The following PGM2L1 variants were observed in gnomAD, a reference collection of about 807,000 sequenced individuals.
PGM2L1 encodes phosphoglucomutase 2 like 1, also known as glucose 1,6-bisphosphate synthase.
PGM2L1 carries 35 observed loss-of-function variants against 73.4 expected under a neutral mutation model. That is an observed-to-expected ratio of 0.48 (90% CI 0.36 to 0.63). PGM2L1 has a LOEUF of 0.63. Ranked by LOEUF, PGM2L1 falls within the 30% of genes least tolerant of loss-of-function variation. PGM2L1 has a pLI of 0.00. For synonymous variants in PGM2L1, 225 were observed against 253.8 expected, an observed-to-expected ratio of 0.89 and a Z score of 1.08; for missense variants, 570 against 742.0, an observed-to-expected ratio of 0.77 and a Z score of 2.69.
At chr11:74,376,457 A>G (rs1049551389) in intron 1 of PGM2L1, among the ~76,000 whole-genome samples, 14 of 151,002 alleles carry the variant, frequency 9.3e-5, no homozygotes, top group African/African-American at 2.4e-4. Flanking sequence ...GTGTGTGTGT[A>G]TATATATATA....
At chr11:74,355,853 AT>A in intron 5 of PGM2L1, 1 of 428,604 alleles carries the variant, frequency 2.3e-6, no homozygotes, top group Non-Finnish European at 4.7e-6. Flanking sequence ...GACAAGACAT[AT>A]TTTAGACAAA....
intron 5 of PGM2L1, among the ~76,000 whole-genome samples, chr11:74,367,420 G>T (rs1862677784): frequency 6.6e-6 from 1 of 152,100 alleles, no homozygotes; most frequent in Admixed American, 6.5e-5. Flanking sequence ...AGACAACAAT[G>T]GTTTAGAATG....
At chr11:74,383,728 G>A (rs1461040136) in intron 1 of PGM2L1, among the ~76,000 whole-genome samples, 3 of 151,130 alleles carry the variant, frequency 2.0e-5, no homozygotes, top group African/African-American at 7.3e-5. Flanking sequence ...TTAGTTTGCT[G>A]AGGATAATGG....
At chr11:74,389,488 C>T (rs1022000042) in intron 1 of PGM2L1, among the ~76,000 whole-genome samples, 5 of 151,698 alleles carry the variant, frequency 3.3e-5, no homozygotes, top group African/African-American at 4.8e-5. Flanking sequence ...CTCGCTCTGT[C>T]ACCCAGGCTG....
chr11:74,349,963 A>G (rs1047284467), intron 6 of PGM2L1, among the ~76,000 whole-genome samples: 1 of 152,188 alleles, frequency 6.6e-6, no homozygotes, highest in Non-Finnish European at 1.5e-5. Context: ...AGAAATACAT[A>G]GTCAATAACT....
chr11:74,366,275 T>C (rs1862656265), intron 5 of PGM2L1, among the ~76,000 whole-genome samples: 1 of 150,952 alleles, frequency 6.6e-6, no homozygotes, highest in South Asian at 2.1e-4. Flanking sequence ...GATGAGTTAA[T>C]GGGTGCAGCA....
At chr11:74,362,196 T>C (rs957676628) in intron 5 of PGM2L1, among the ~76,000 whole-genome samples, 1 of 152,196 alleles carries the variant, frequency 6.6e-6, no homozygotes, top group East Asian at 1.9e-4. Context: ...TAACAGCTGA[T>C]CTCTTGGCAG....
rs60883108 is a variant in PGM2L1 at position 74,395,549 on chromosome 11, C to CTTTTTTTTTTTT, written c.111+2490_111+2501dup. Among the ~76,000 whole-genome samples, 127 of 64,946 alleles carry CTTTTTTTTTTTT rather than the reference C, an allele frequency of 2.0e-3. 7 individuals are homozygous for CTTTTTTTTTTTT. The highest frequency in any genetic ancestry group is 6.1e-3 in the East Asian group (9 of 1,476). 42.6% of individuals were successfully genotyped at this position (64,946 alleles called of 152,430 possible). A position where few individuals can be genotyped will look rare whatever the true frequency, so the allele number is the denominator to read the frequency against. On this transcript the variant is annotated intron_variant, in intron 1 of 13. Coordinates refer to ENST00000298198, the MANE Select transcript of PGM2L1 (RefSeq NM_173582.6). ...TACAGGCACGTGACACCTCGCCTGG[C>CTTTTTTTTTTTT]TTTTTTTTTTTTTTTTTTTTTTTTT...
chr11:74,373,252 A>G (rs1288410221), intron 2 of PGM2L1, among the ~76,000 whole-genome samples: 1 of 152,200 alleles, frequency 6.6e-6, no homozygotes, highest in East Asian at 1.9e-4. Flanking sequence ...AAGAGACTAA[A>G]TGTATAAGAA....
At chr11:74,371,068 T>G (rs542975352) in intron 3 of PGM2L1, 82 bp from the exon 4 acceptor site, 63 of 1,023,056 alleles carry the variant, frequency 6.2e-5, no homozygotes, top group Admixed American at 1.2e-4. Context: ...TTTCATATTA[T>G]AATTAGTCTG....
At chr11:74,396,145 G>C (rs564209721) in intron 1 of PGM2L1, among the ~76,000 whole-genome samples, 1 of 151,698 alleles carries the variant, frequency 6.6e-6, no homozygotes, top group Admixed American at 6.6e-5. Context: ...TGTAGTCCCA[G>C]CTACTCGGCA....
At chr11:74,345,759 A>G (rs527934867) in intron 8 of PGM2L1, 110 bp from the exon 9 acceptor site, 2 of 931,496 alleles carry the variant, frequency 2.1e-6, no homozygotes, top group Admixed American at 5.3e-5. Flanking sequence ...AAAAACTATC[A>G]TATGGGATTT....
intron 9 of PGM2L1, among the ~76,000 whole-genome samples, chr11:74,344,444 T>A (rs1862232014): frequency 6.6e-6 from 1 of 151,872 alleles, no homozygotes; most frequent in Non-Finnish European, 1.5e-5. Context: ...TTTGAGGACT[T>A]TTCATCTAAT....
chr11:74,376,819 C>A (rs1392388319), intron 1 of PGM2L1, among the ~76,000 whole-genome samples: 2 of 151,888 alleles, frequency 1.3e-5, no homozygotes, highest in Non-Finnish European at 2.9e-5. Flanking sequence ...AATAAAAAAT[C>A]ATGATATACT....
chr11:74,361,492 T>C (rs1237362722), intron 5 of PGM2L1, among the ~76,000 whole-genome samples: 1 of 151,852 alleles, frequency 6.6e-6, no homozygotes, highest in Non-Finnish European at 1.5e-5. Flanking sequence ...TCAGAACACC[T>C]CTCCCCCTGC....
intron 5 of PGM2L1, among the ~76,000 whole-genome samples, chr11:74,358,906 A>C (rs1028820408): frequency 6.6e-6 from 1 of 152,058 alleles, no homozygotes; most frequent in Non-Finnish European, 1.5e-5. Flanking sequence ...AAAAACAAAA[A>C]CAAAAAAACC....
In PGM2L1 at chr11:74,374,602, A is replaced by G. The variant is rs1406555799; in HGVS notation, c.112-20T>C. 2 of 1,605,492 alleles carry G rather than the reference A, an allele frequency of 1.2e-6. No homozygotes were observed. The highest frequency in any genetic ancestry group is 1.7e-6 in the Non-Finnish European group (2 of 1,173,840). ...GGGATTCTATAAAAAAGAAGTATTAAAACTTAACCAGGAATCCAAGCAGAG... is the reference window on the plus strand; with the variant it reads ...GGGATTCTATAAAAAAGAAGTATTAGAACTTAACCAGGAATCCAAGCAGAG... On this transcript the variant is annotated intron_variant, in intron 1 of 13. Transcript: ENST00000298198.
intron 1 of PGM2L1, among the ~76,000 whole-genome samples, chr11:74,387,651 T>C (rs115849527): frequency 8.5e-4 from 130 of 152,330 alleles, no homozygotes; most frequent in African/African-American, 3.0e-3. Flanking sequence ...TATCTATTTG[T>C]ATCCTACTTA....
intron 5 of PGM2L1, chr11:74,354,931 T>C: frequency 1.1e-6 from 1 of 906,428 alleles, no homozygotes; most frequent in South Asian, 1.3e-5. Flanking sequence ...GATAAGACTG[T>C]CATTCAGAAA....
Sources: allele counts gnomAD v4.1 joint callset (sites outside exome capture counted in the v4.1 genomes callset), GRCh38; gene constraint gnomAD v4.1.1; transcripts MANE v1.5; gene names NCBI Gene and HGNC (gene_info 2026-07-23, HGNC 2026-07-21).